Variants in POGLUT1 observed in about 807,000 individuals in gnomAD.
POGLUT1 encodes the protein 9630046K23Rik.
A neutral mutation model predicts 61.3 loss-of-function variants in POGLUT1; 32 were observed. The observed-to-expected ratio is 0.52, with a 90% confidence interval of 0.39 to 0.70. The LOEUF (loss-of-function observed/expected upper bound fraction) is 0.70, where lower values mean the gene tolerates loss of function less well. Ranked by LOEUF, POGLUT1 falls within the 30% of genes least tolerant of loss-of-function variation. The pLI is 0.00. For synonymous variants in POGLUT1, 158 were observed against 158.2 expected, an observed-to-expected ratio of 1.00 and a Z score of 0.01; for missense variants, 411 against 469.8, an observed-to-expected ratio of 0.87 and a Z score of 1.16.
intron 7 of POGLUT1, 57 bp from the exon 8 acceptor site, chr3:119,488,872 A>C: frequency 4.5e-6 from 4 of 879,508 alleles, no homozygotes; most frequent in Non-Finnish European, 5.8e-6. Context: ...CTTGCTGCAC[A>C]GTGATCACAA....
Position 119,494,420 on chromosome 3 carries a change from T to G in POGLUT1, c.*1982T>G, listed in dbSNP as rs536862290. 6.5e-6 allele frequency: 1 copy of G among 152,794 alleles called. No homozygotes were observed. The highest frequency in any genetic ancestry group is 2.1e-4 in the South Asian group (1 of 4,834). The allele number at this position is 152,794 out of a possible 1,614,324, so 9.5% of individuals were successfully genotyped here. A position where few individuals can be genotyped will look rare whatever the true frequency, so the allele number is the denominator to read the frequency against. On this transcript the variant is annotated 3_prime_UTR_variant, in exon 11 of 11. Coordinates refer to ENST00000295588, the MANE Select transcript of POGLUT1 (RefSeq NM_152305.3). ...ATCAATGTAAATCCTCACCTGCCCTTTGAAGAGCCAATAAGGGCATCTTTG... is the reference window on the plus strand; with the variant it reads ...ATCAATGTAAATCCTCACCTGCCCTGTGAAGAGCCAATAAGGGCATCTTTG...
rs1453905858 is a variant in POGLUT1, at chr3:119,491,510, C to T, written c.966-8C>T. On this transcript the variant is annotated splice_polypyrimidine_tract_variant and splice_region_variant and intron_variant, in intron 9 of 10. Coordinates refer to ENST00000295588, the MANE Select transcript of POGLUT1 (RefSeq NM_152305.3). ...ATATTTCACAGTCTAAAATTCTTTT[C>T]ATTTTAGAGAGCTGTTACAATTTGT... is the stretch of plus-strand genomic sequence containing the variant. The T allele has an allele frequency of 1.4e-6, 2 of 1,431,288 alleles. No homozygotes were observed. Among genetic ancestry groups the T allele is most frequent in the Non-Finnish European group, 1.9e-6 (2 of 1,028,546 alleles). The allele number at this position is 1,431,288 out of a possible 1,614,324, so 88.7% of individuals were successfully genotyped here. A position where few individuals can be genotyped will look rare whatever the true frequency, so the allele number is the denominator to read the frequency against.
At chr3:119,476,777 T>C (rs1015503009) in intron 3 of POGLUT1, among the ~76,000 whole-genome samples, 1 of 152,230 alleles carries the variant, frequency 6.6e-6, no homozygotes, top group Non-Finnish European at 1.5e-5. Flanking sequence ...TAACACTTTT[T>C]CTGGCTTGCA....
chr3:119,480,016 A>G (rs1240575261), intron 4 of POGLUT1, 35 bp from the exon 5 acceptor site: 14 of 1,611,228 alleles, frequency 8.7e-6, no homozygotes, highest in African/African-American at 1.3e-5. Context: ...CTGTTCCAAG[A>G]CTGATTTAGG....
At chr3:119,473,288 G>A (rs903194806) in intron 3 of POGLUT1, among the ~76,000 whole-genome samples, 2 of 152,264 alleles carry the variant, frequency 1.3e-5, no homozygotes, top group Middle Eastern at 3.4e-3. Context: ...TATAGACATT[G>A]TTGGACTTTG....
intron 3 of POGLUT1, among the ~76,000 whole-genome samples, chr3:119,473,721 T>C (rs1406508080): frequency 6.6e-6 from 1 of 151,490 alleles, no homozygotes; most frequent in Non-Finnish European, 1.5e-5. Context: ...AGTGCAGTGG[T>C]GTGATCTCGG....
rs934998213 is a variant in POGLUT1, at chr3:119,469,146, G to A, written c.85+40G>A. ...GTGCCGAGCCTGCCCCTTGGGCTCGGGGTCTGGCCGGAGTCCCGAGGCGCT... is the reference window on the plus strand; with the variant it reads ...GTGCCGAGCCTGCCCCTTGGGCTCGAGGTCTGGCCGGAGTCCCGAGGCGCT... On this transcript the variant is annotated intron_variant, in intron 1 of 10. Transcript: ENST00000295588. 3.4e-6 allele frequency: 5 copies of A among 1,492,314 alleles called. No homozygotes were observed. The African/African-American group carries it at 6.9e-5, about 21-fold the overall frequency. 92.4% of individuals were successfully genotyped at this position (1,492,314 alleles called of 1,614,324 possible). A position where few individuals can be genotyped will look rare whatever the true frequency, so the allele number is the denominator to read the frequency against.
At position 119,471,319 on chromosome 3, in the gene POGLUT1, G is replaced by C; in HGVS notation, c.187G>C (p.Glu63Gln). The change falls in exon 3 of 11, where the codon GAG becomes CAG. Residue 63 changes from glutamate to glutamine, a missense_variant. Transcript: ENST00000295588. ...CCCATTCTTTCCCAGTGTCATAGAA[G>C]AGGATCTAACTCCTTTCCGAGGAGG... ...NCSCYHGVIE[E>Q]DLTPFRGGIS... 1 of 1,614,030 alleles carries C rather than the reference G, an allele frequency of 6.2e-7. No homozygotes were observed. Among genetic ancestry groups the C allele is most frequent in the East Asian group, 2.2e-5 (1 of 44,874 alleles).
intron 3 of POGLUT1, among the ~76,000 whole-genome samples, chr3:119,472,445 G>A (rs1427873913): frequency 1.3e-5 from 2 of 152,146 alleles, no homozygotes; most frequent in Non-Finnish European, 1.5e-5. Context: ...GGCCGGGTGC[G>A]GTGGCTCAAG....
chr3:119,489,176 G>T, intron 8 of POGLUT1, 189 bp downstream of exon 8: 1 of 418,498 alleles, frequency 2.4e-6, no homozygotes, highest in Middle Eastern at 6.0e-4. Context: ...GAGAAGAATG[G>T]AACATGGTTC....
At chr3:119,476,295 T>C (rs548955197) in intron 3 of POGLUT1, among the ~76,000 whole-genome samples, 6 of 152,326 alleles carry the variant, frequency 3.9e-5, no homozygotes, top group Admixed American at 3.9e-4. Flanking sequence ...CACTGCACTA[T>C]TGGACTTTTT....
chr3:119,486,712 A>C, intron 6 of POGLUT1, 121 bp from the exon 7 acceptor site: 2 of 743,250 alleles, frequency 2.7e-6, no homozygotes, highest in South Asian at 3.0e-5. Flanking sequence ...TCACGTCACC[A>C]GTGAATTGTC....
At chr3:119,473,805 C>T (rs954352696) in intron 3 of POGLUT1, among the ~76,000 whole-genome samples, 18 of 151,842 alleles carry the variant, frequency 1.2e-4, no homozygotes, top group Admixed American at 8.5e-4. Flanking sequence ...GGACTACAGG[C>T]GCCCGCCACC....
chr3:119,469,405 A>C, intron 1 of POGLUT1: 1 of 564,736 alleles, frequency 1.8e-6, no homozygotes, highest in Non-Finnish European at 3.2e-6. Context: ...TGCCTGAAAC[A>C]CTGAGGGGTC....
intron 3 of POGLUT1, among the ~76,000 whole-genome samples, chr3:119,475,738 C>T (rs950887288): frequency 2.0e-5 from 3 of 150,624 alleles, no homozygotes; most frequent in South Asian, 2.1e-4. Flanking sequence ...ACTTGAAACC[C>T]GAGGTGGAGG....
chr3:119,476,862 A>T (rs925418724), intron 3 of POGLUT1, among the ~76,000 whole-genome samples: 25 of 152,238 alleles, frequency 1.6e-4, no homozygotes, highest in Admixed American at 1.0e-3. Context: ...ATAAACTAGG[A>T]GACTTAATTA....
At chr3:119,481,323 G>A (rs1320496974) in intron 5 of POGLUT1, among the ~76,000 whole-genome samples, 1 of 152,126 alleles carries the variant, frequency 6.6e-6, no homozygotes, top group Non-Finnish European at 1.5e-5. Context: ...TTTAGATTGT[G>A]TAGCTCATCC....
intron 2 of POGLUT1, among the ~76,000 whole-genome samples, chr3:119,471,067 G>A (rs921372911): frequency 2.0e-5 from 3 of 152,206 alleles, no homozygotes; most frequent in African/African-American, 4.8e-5. Flanking sequence ...CAAGGGAGGG[G>A]CAATCCAGAT....
chr3:119,469,030 G>T lies in POGLUT1; in HGVS notation c.9G>T (p.Trp3Cys), dbSNP rs1222931405. Reference sequence around the variant, plus strand: ...CAGTAGGTCTGCCGGCGATGGAGTGGTGGGCTAGCTCGCCGCTTCGGCTCT... The same window carrying T: ...CAGTAGGTCTGCCGGCGATGGAGTGTTGGGCTAGCTCGCCGCTTCGGCTCT... Reference protein sequence around the residue: MEWWASSPLRLWL... With the variant: MECWASSPLRLWL... The change falls in exon 1 of 11, where the codon TGG becomes TGT. Residue 3 changes from tryptophan (W) to cysteine (C), a missense_variant. Coordinates refer to ENST00000295588, the MANE Select transcript of POGLUT1 (RefSeq NM_152305.3). The T allele has an allele frequency of 6.2e-7, 1 of 1,608,604 alleles. No individual in the cohort carries two copies. The highest frequency in any genetic ancestry group is 2.2e-5 in the East Asian group (1 of 44,716).
Sources: allele counts gnomAD v4.1 joint callset (sites outside exome capture counted in the v4.1 genomes callset), GRCh38; gene constraint gnomAD v4.1.1; transcripts MANE v1.5; gene names NCBI Gene and HGNC (gene_info 2026-07-23, HGNC 2026-07-21).